NAV3: variants seen among roughly 807,000 people sequenced by gnomAD.
The protein encoded by NAV3 is pore membrane and/or filament interacting like protein 1.
NAV3 carries 87 observed loss-of-function variants against 244.7 expected under a neutral mutation model. The ratio of observed to expected loss-of-function variants is 0.36; its 90% confidence interval spans 0.30 to 0.42. The LOEUF (loss-of-function observed/expected upper bound fraction) is 0.42. Ranked by LOEUF, NAV3 falls within the 20% of genes least tolerant of loss-of-function variation. The pLI, the probability that NAV3 is intolerant of heterozygous loss-of-function variation, is 1.00. For missense variants in NAV3, 2,663 were observed against 2,893.3 expected, an observed-to-expected ratio of 0.92 and a Z score of 1.83; for synonymous variants, 1,126 against 1,042.2, an observed-to-expected ratio of 1.08 and a Z score of -1.55.
chr12:77,686,407 CT>C (rs1874748215), intron 2 of NAV3, among the ~76,000 whole-genome samples: 2 of 130,548 alleles, frequency 1.5e-5, no homozygotes, highest in Admixed American at 1.6e-4. Flanking sequence ...TTTTTCTTTT[CT>C]TTTCTTTCTT....
chr12:78,039,894 G>T (rs971397041), intron 9 of NAV3, among the ~76,000 whole-genome samples: 1 of 151,976 alleles, frequency 6.6e-6, no homozygotes, highest in Non-Finnish European at 1.5e-5. Flanking sequence ...CCATTCCATT[G>T]TGTTTGACAC....
At chr12:77,655,486 T>G (rs1307357501) in intron 2 of NAV3, among the ~76,000 whole-genome samples, 5 of 152,214 alleles carry the variant, frequency 3.3e-5, no homozygotes, top group African/African-American at 1.2e-4. Flanking sequence ...CTGATTGGTG[T>G]ACCTGAAAGT....
At position 78,116,881 on chromosome 12, in the gene NAV3, G is replaced by A. The variant is rs184596477; in HGVS notation, c.2746G>A (p.Val916Ile). 5,712 of 1,612,604 alleles carry A rather than the reference G, an allele frequency of 3.5e-3. 13 individuals are homozygous for A. Among genetic ancestry groups the A allele is most frequent in the Non-Finnish European group, 4.0e-3 (4,749 of 1,179,156 alleles). Reference sequence around the variant, plus strand: ...TGTCAGCTCTTACTCCAACATCACCGTCCCCTCTAGGAAGAATACTCAGGT... The same window carrying A: ...TGTCAGCTCTTACTCCAACATCACCATCCCCTCTAGGAAGAATACTCAGGT... ...SSVSSYSNIT[V>I]PSRKNTQLRT... The change falls in exon 13 of 40, where the codon GTC (valine) becomes ATC (isoleucine). Residue 916 changes from valine to isoleucine, a missense_variant. Val to Ile is a conservative substitution (Grantham distance 29, BLOSUM62 3). This residue lies in a region of NAV3 where 1,521 missense variants were observed against 1,497.0 expected (regional missense o/e 1.02). Coordinates refer to ENST00000397909, the MANE Select transcript of NAV3 (RefSeq NM_001024383.2).
chr12:78,035,604 T>C (rs534991853), intron 9 of NAV3, among the ~76,000 whole-genome samples: 19 of 152,320 alleles, frequency 1.2e-4, no homozygotes, highest in African/African-American at 4.3e-4. Context: ...AAAGACACAA[T>C]GTGCATTTTG....
At chr12:77,861,595 C>G (rs1365194006) in intron 1 of NAV3, among the ~76,000 whole-genome samples, 1 of 151,792 alleles carries the variant, frequency 6.6e-6, no homozygotes, top group Non-Finnish European at 1.5e-5. Context: ...TGGACATTTA[C>G]AATCTGCTAC....
intron 5 of NAV3, among the ~76,000 whole-genome samples, chr12:77,990,340 G>T (rs1871241637): frequency 6.6e-6 from 1 of 152,190 alleles, no homozygotes; most frequent in African/African-American, 2.4e-5. Flanking sequence ...TGGTCAACAG[G>T]AAATAGGTCA....
At chr12:77,849,231 G>A (rs1311581703) in intron 1 of NAV3, among the ~76,000 whole-genome samples, 1 of 144,198 alleles carries the variant, frequency 6.9e-6, no homozygotes, top group Non-Finnish European at 1.6e-5. Flanking sequence ...TGTGTTGTAT[G>A]TAATAGTGAT....
Position 77,991,423 on chromosome 12 carries a change from G to A in NAV3, c.672-3380G>A, listed in dbSNP as rs139409085. Among the ~76,000 whole-genome samples the A allele has an allele frequency of 4.9e-4, 75 of 151,782 alleles. 1 individual carries two copies. Among genetic ancestry groups the A allele is most frequent in the African/African-American group, 1.7e-3 (71 of 41,352 alleles). ...GATTGCTTTGAAGAAATTTCATTAT[G>A]TTTATACATTTAAATAACTAAAGTT... is the stretch of plus-strand genomic sequence containing the variant. On this transcript the variant is annotated intron_variant, in intron 5 of 39. Transcript: ENST00000397909.
chr12:77,811,432 T>A (rs1301468957), intron 2 of NAV3, among the ~76,000 whole-genome samples: 1 of 152,152 alleles, frequency 6.6e-6, no homozygotes, highest in African/African-American at 2.4e-5. Context: ...CACCATCAAG[T>A]CTCCGTCAAA....
At chr12:77,873,754 AT>A (rs1565878773) in intron 1 of NAV3, among the ~76,000 whole-genome samples, 8 of 110,606 alleles carry the variant, frequency 7.2e-5, no homozygotes, top group East Asian at 2.6e-4. Flanking sequence ...GTATATATAT[AT>A]ATATATATAT....
intron 2 of NAV3, among the ~76,000 whole-genome samples, chr12:77,759,781 T>C (rs759336540): frequency 1.3e-5 from 2 of 152,152 alleles, no homozygotes; most frequent in African/African-American, 2.4e-5. Flanking sequence ...TTAACATTTC[T>C]GGATCATATT....
rs181501331 is a variant in NAV3 at position 77,952,582 on chromosome 12, C to G, written c.414+11449C>G. ...TTGTACTTCTTCAATATTCTGTTGGCAATTTAGGTCTTTTGACTCTTCATA... is the reference window on the plus strand; with the variant it reads ...TTGTACTTCTTCAATATTCTGTTGGGAATTTAGGTCTTTTGACTCTTCATA... On this transcript the variant is annotated intron_variant, in intron 3 of 39. Coordinates refer to ENST00000397909, the MANE Select transcript of NAV3 (RefSeq NM_001024383.2). 3.7e-3 allele frequency among the ~76,000 whole-genome samples: 562 copies of G among 152,194 alleles called. 3 individuals are homozygous for G. Among genetic ancestry groups the G allele is most frequent in the African/African-American group, 0.013 (537 of 41,548 alleles).
intron 2 of NAV3, among the ~76,000 whole-genome samples, chr12:77,744,142 C>G (rs1478449899): frequency 1.3e-5 from 2 of 151,894 alleles, no homozygotes; most frequent in East Asian, 3.9e-4. Context: ...AGAAAGAAAG[C>G]TATTTCCATA....
intron 39 of NAV3, among the ~76,000 whole-genome samples, chr12:78,208,321 C>T (rs1356113366): frequency 6.6e-6 from 1 of 152,130 alleles, no homozygotes; most frequent in Non-Finnish European, 1.5e-5. Flanking sequence ...ATGAGGAATC[C>T]ACCCCCATGA....
intron 2 of NAV3, among the ~76,000 whole-genome samples, chr12:77,673,131 C>G (rs1874061206): frequency 1.3e-5 from 2 of 152,258 alleles, no homozygotes; most frequent in South Asian, 4.1e-4. Context: ...CACACCTAAA[C>G]ATTACACCAG....
intron 12 of NAV3, among the ~76,000 whole-genome samples, chr12:78,115,885 G>A (rs1438535442): frequency 6.6e-6 from 1 of 152,106 alleles, no homozygotes; most frequent in Non-Finnish European, 1.5e-5. Context: ...ATCACCTAAT[G>A]ATGCATTTCT....
intron 2 of NAV3, among the ~76,000 whole-genome samples, chr12:77,662,633 A>C (rs1315933411): frequency 6.6e-6 from 1 of 152,110 alleles, no homozygotes; most frequent in African/African-American, 2.4e-5. Flanking sequence ...AAATTTCTCC[A>C]GAGTATTATG....
At chr12:78,191,233 A>T (rs1958962825) in intron 34 of NAV3, among the ~76,000 whole-genome samples, 1 of 152,160 alleles carries the variant, frequency 6.6e-6, no homozygotes, top group Non-Finnish European at 1.5e-5. Context: ...CACCTGTAAA[A>T]TGAGGGAAAT....
At chr12:77,765,508 C>G (rs1468044) in intron 2 of NAV3, among the ~76,000 whole-genome samples, 67,727 of 151,634 alleles carry the variant, frequency 0.45, 16,905 homozygotes, top group South Asian at 0.58. Context: ...CAGCAGATGA[C>G]TATCCGAGCC....
Sources: gnomAD v4.1 joint callset for allele counts (sites outside exome capture counted in the v4.1 genomes callset) on GRCh38, gnomAD v4.1.1 for gene constraint, gnomAD v4.1.1 regional missense constraint, MANE v1.5 for transcripts, NCBI Gene and HGNC (gene_info 2026-07-23, HGNC 2026-07-21) for gene names.